Variants in TMEFF1 observed in about 807,000 individuals in gnomAD.
The protein encoded by TMEFF1 is tomoregulin-1.
TMEFF1 carries 20 observed loss-of-function variants against 47.5 expected under a neutral mutation model. The observed-to-expected ratio is 0.42, with a 90% CI of 0.30 to 0.61. The LOEUF is 0.61. TMEFF1 is among the 20% of genes least tolerant of loss of function. The pLI, the probability that TMEFF1 is intolerant of heterozygous loss-of-function variation, is 0.19. For synonymous variants in TMEFF1, 162 were observed against 166.3 expected, an observed-to-expected ratio of 0.97 and a Z score of 0.20; for missense variants, 411 against 471.1, an observed-to-expected ratio of 0.87 and a Z score of 1.18.
intron 8 of TMEFF1, among the ~76,000 whole-genome samples, chr9:100,565,578 T>C (rs546109400): frequency 6.6e-6 from 1 of 152,262 alleles, no homozygotes; most frequent in Admixed American, 6.5e-5. Flanking sequence ...ATTCTCCTCC[T>C]CTCCTGTATG....
At chr9:100,503,411 A>G (rs1837803064) in intron 2 of TMEFF1, among the ~76,000 whole-genome samples, 1 of 151,892 alleles carries the variant, frequency 6.6e-6, no homozygotes, top group South Asian at 2.1e-4. Context: ...TTCTTTCTTC[A>G]TCTTTGTTCT....
In TMEFF1 at chr9:100,544,527, G is replaced by A. The variant is rs550568409; in HGVS notation, c.561-3217G>A. On this transcript the variant is annotated intron_variant, in intron 5 of 9. Transcript: ENST00000374879. ...TCCTACCGGGTTCCTCCCACGACAC[G>A]TGGGAATTGTGGGAGTTACAGTTTA... 6.6e-5 allele frequency among the ~76,000 whole-genome samples: 10 copies of A among 152,268 alleles called. No homozygotes were observed. In the South Asian group the frequency reaches 1.0e-3, roughly 16 times the overall value.
intron 8 of TMEFF1, among the ~76,000 whole-genome samples, chr9:100,567,501 T>C (rs1839146736): frequency 6.6e-6 from 1 of 152,182 alleles, no homozygotes; most frequent in African/African-American, 2.4e-5. Flanking sequence ...GACACTCTTC[T>C]CCCGGTAGCT....
intron 4 of TMEFF1, among the ~76,000 whole-genome samples, chr9:100,514,966 G>C (rs565973286): frequency 2.6e-5 from 4 of 152,208 alleles, no homozygotes; most frequent in African/African-American, 4.8e-5. Context: ...CTGCACTCCA[G>C]CCTGGGGGAC....
intron 5 of TMEFF1, among the ~76,000 whole-genome samples, chr9:100,520,875 A>T (rs921117358): frequency 3.9e-5 from 6 of 152,154 alleles, no homozygotes; most frequent in African/African-American, 1.4e-4. Context: ...GAGGCCCATG[A>T]TGTGTGGTTG....
intron 1 of TMEFF1, among the ~76,000 whole-genome samples, chr9:100,477,112 C>T (rs975272988): frequency 3.3e-5 from 5 of 152,156 alleles, no homozygotes; most frequent in East Asian, 1.9e-4. Flanking sequence ...TCAGGCTGTG[C>T]GTGTTGGGTC....
chr9:100,548,251 C>T (rs770081130), intron 6 of TMEFF1, among the ~76,000 whole-genome samples: 12 of 151,814 alleles, frequency 7.9e-5, no homozygotes, highest in Non-Finnish European at 1.6e-4. Context: ...TATGTTATTG[C>T]CATATATTTG....
At chr9:100,533,488 G>C (rs909365058) in intron 5 of TMEFF1, among the ~76,000 whole-genome samples, 1 of 151,940 alleles carries the variant, frequency 6.6e-6, no homozygotes, top group East Asian at 1.9e-4. Context: ...TTTCATTACT[G>C]ATACTGCTTT....
At chr9:100,523,769 C>A (rs182869170) in intron 5 of TMEFF1, among the ~76,000 whole-genome samples, 1 of 152,174 alleles carries the variant, frequency 6.6e-6, no homozygotes, top group Non-Finnish European at 1.5e-5. Flanking sequence ...AGTAATAATA[C>A]CATTCAGATG....
intron 5 of TMEFF1, among the ~76,000 whole-genome samples, chr9:100,534,148 G>T (rs1838459638): frequency 6.6e-6 from 1 of 152,134 alleles, no homozygotes; most frequent in African/African-American, 2.4e-5. Flanking sequence ...AAGTGGGAGT[G>T]TTAGAAGTGG....
At chr9:100,479,754 C>T (rs1203592287) in intron 1 of TMEFF1, among the ~76,000 whole-genome samples, 2 of 152,168 alleles carry the variant, frequency 1.3e-5, no homozygotes, top group Non-Finnish European at 2.9e-5. Flanking sequence ...CCACATTTTG[C>T]ATATCCATTT....
At chr9:100,482,183 T>TTTTC (rs951547468) in intron 1 of TMEFF1, among the ~76,000 whole-genome samples, 27 of 151,948 alleles carry the variant, frequency 1.8e-4, no homozygotes, top group Middle Eastern at 3.4e-3. Context: ...TCTTCTTTTC[T>TTTTC]TTTCTTTCTT....
At chr9:100,519,376 C>G (rs557920546) in intron 5 of TMEFF1, among the ~76,000 whole-genome samples, 7 of 151,958 alleles carry the variant, frequency 4.6e-5, no homozygotes, top group South Asian at 2.1e-4. Flanking sequence ...CCACTGTACT[C>G]CAGCCTGGCG....
chr9:100,566,741 GT>G (rs903504456), intron 8 of TMEFF1, among the ~76,000 whole-genome samples: 1 of 151,758 alleles, frequency 6.6e-6, no homozygotes, highest in African/African-American at 2.4e-5. Context: ...GTCTCACTCT[GT>G]TGCCCAGGCT....
intron 8 of TMEFF1, among the ~76,000 whole-genome samples, chr9:100,570,358 G>A (rs576909007): frequency 2.6e-5 from 4 of 152,102 alleles, no homozygotes; most frequent in Middle Eastern, 3.4e-3. Context: ...ACTTCCATAC[G>A]GTTTTCCATA....
intron 7 of TMEFF1, among the ~76,000 whole-genome samples, chr9:100,551,297 C>A (rs1418117703): frequency 6.6e-6 from 1 of 152,198 alleles, no homozygotes; most frequent in Non-Finnish European, 1.5e-5. Flanking sequence ...AAGTGTTCAA[C>A]AAATGGTAGC....
intron 7 of TMEFF1, among the ~76,000 whole-genome samples, chr9:100,557,784 T>C (rs1838942143): frequency 6.6e-6 from 1 of 152,044 alleles, no homozygotes; most frequent in Non-Finnish European, 1.5e-5. Flanking sequence ...TATATGCTGA[T>C]TTTCTAAATT....
chr9:100,486,604 T>C (rs1444238341), intron 1 of TMEFF1, among the ~76,000 whole-genome samples: 1 of 152,212 alleles, frequency 6.6e-6, no homozygotes, highest in Non-Finnish European at 1.5e-5. Context: ...CTGGAGCCAC[T>C]GTTGTTCAGA....
At chr9:100,521,791 TTGTC>T (rs371117057) in intron 5 of TMEFF1, among the ~76,000 whole-genome samples, 4 of 152,360 alleles carry the variant, frequency 2.6e-5, no homozygotes, top group African/African-American at 9.6e-5. Flanking sequence ...CTTTTGAACT[TTGTC>T]TGCAATGCAC....
Sources: allele counts gnomAD v4.1 joint callset (sites outside exome capture counted in the v4.1 genomes callset), GRCh38; gene constraint gnomAD v4.1.1; transcripts MANE v1.5; gene names NCBI Gene and HGNC (gene_info 2026-07-23, HGNC 2026-07-21).